MIA2: variants seen among roughly 807,000 people sequenced by gnomAD.
MIA2 encodes MIA SH3 domain ER export factor 2, also known as melanoma inhibitory activity protein 2.
Under a neutral mutation model 167.8 loss-of-function variants are expected in MIA2, and 127 were observed. The ratio of observed to expected loss-of-function variants is 0.76; its 90% CI spans 0.66 to 0.88. MIA2 has a LOEUF of 0.88. Ranked by LOEUF, MIA2 falls within the 40% of genes least tolerant of loss-of-function variation. MIA2 has a pLI of 0.00. For synonymous variants in MIA2, 552 were observed against 541.9 expected (o/e 1.02, Z -0.26); for missense variants, 1,690 against 1,624.7 (o/e 1.04, Z -0.69).
rs1027129198 is a variant in MIA2, at chr14:39,278,149, T to A, written c.2019+1084T>A. Among the ~76,000 whole-genome samples the A allele has an allele frequency of 2.6e-5, 4 of 151,834 alleles. 1 individual carries two copies. Among genetic ancestry groups the A allele is most frequent in the Admixed American group, 6.6e-5 (1 of 15,238 alleles). ...CTACCATGCCTGGCTAATTTTTGTA[T>A]TTTTTTGTAGAGACGGGTTTCACTG... On this transcript the variant is annotated intron_variant, in intron 7 of 28. Transcript: ENST00000640607.
intron 21 of MIA2, among the ~76,000 whole-genome samples, chr14:39,316,727 G>A (rs149034426): frequency 4.9e-4 from 74 of 152,198 alleles, no homozygotes; most frequent in African/African-American, 1.7e-3. Context: ...AATTAAGCTG[G>A]GCTTGGAGAT....
intron 9 of MIA2, among the ~76,000 whole-genome samples, chr14:39,283,938 A>T (rs2059289802): frequency 6.6e-6 from 1 of 152,044 alleles, no homozygotes; most frequent in South Asian, 2.1e-4. Context: ...CTCAATCTGT[A>T]GGTTGCCTTT....
intron 23 of MIA2, among the ~76,000 whole-genome samples, chr14:39,362,496 C>T (rs902363735): frequency 7.9e-5 from 12 of 151,984 alleles, no homozygotes; most frequent in East Asian, 1.9e-4. Flanking sequence ...TAGCCTCTGA[C>T]GATCTTTTAT....
intron 9 of MIA2, among the ~76,000 whole-genome samples, chr14:39,284,894 G>T (rs1399933355): frequency 6.6e-6 from 1 of 152,056 alleles, no homozygotes; most frequent in Non-Finnish European, 1.5e-5. Flanking sequence ...AGAGGACCCT[G>T]CGGTCTTCCG....
chr14:39,307,495 A>G (rs980178176), intron 17 of MIA2, among the ~76,000 whole-genome samples: 1 of 133,538 alleles, frequency 7.5e-6, no homozygotes, highest in Admixed American at 9.3e-5. Flanking sequence ...TCTGCCTCCT[A>G]GGTTCAAGCA....
intron 10 of MIA2, 59 bp from the exon 11 acceptor site, chr14:39,293,212 C>G (rs1285012585): frequency 1.8e-6 from 2 of 1,137,550 alleles, no homozygotes; most frequent in African/African-American, 3.1e-5. Context: ...TTATGCTCGT[C>G]TGATTTCCCT....
intron 25 of MIA2, among the ~76,000 whole-genome samples, chr14:39,329,907 C>G (rs534482975): frequency 5.9e-5 from 9 of 152,158 alleles, no homozygotes; most frequent in Non-Finnish European, 1.3e-4. Context: ...CAATGTTCAT[C>G]AGAGATATTG....
At chr14:39,288,588 C>T (rs1156705982) in intron 9 of MIA2, among the ~76,000 whole-genome samples, 1 of 149,742 alleles carries the variant, frequency 6.7e-6, no homozygotes, top group African/African-American at 2.5e-5. Context: ...GATTCTCCTG[C>T]CTCAGCCACC....
intron 6 of MIA2, among the ~76,000 whole-genome samples, chr14:39,270,171 A>G (rs1311988567): frequency 6.7e-6 from 1 of 149,180 alleles, no homozygotes; most frequent in East Asian, 2.0e-4. Context: ...TTGTGGGTGT[A>G]CAGGTGAGTG....
chr14:39,238,970 CATT>C, intron 2 of MIA2, among the ~76,000 whole-genome samples: 1 of 151,970 alleles, frequency 6.6e-6, no homozygotes, highest in Middle Eastern at 3.4e-3. Context: ...TTGATTGTAT[CATT>C]ATGGTTTATA....
chr14:39,294,201 T>C, intron 12 of MIA2, 130 bp downstream of exon 12: 1 of 615,668 alleles, frequency 1.6e-6, no homozygotes, highest in Non-Finnish European at 2.7e-6. Flanking sequence ...TTTTTTTTTT[T>C]TTAACAATAC....
At chr14:39,334,006 AT>A (rs1337462928) in intron 25 of MIA2, among the ~76,000 whole-genome samples, 1 of 152,180 alleles carries the variant, frequency 6.6e-6, no homozygotes, top group African/African-American at 2.4e-5. Context: ...CAGTAAAGGA[AT>A]TTTCAGTATT....
In MIA2 at chr14:39,386,860, T is replaced by C. The variant is rs1050093384; in HGVS notation, c.2249-25T>C. ...ACTCGTCTCTCTTCTACTTTAACTC[T>C]GAGGCGGTCGTTCTCTCTCACCAGG... On this transcript the variant is annotated intron_variant, in intron 23 of 23. Transcript: ENST00000341502. 8.1e-6 allele frequency: 7 copies of C among 860,986 alleles called. No individual in the cohort carries two copies. The African/African-American group carries it at 1.2e-4, about 14-fold the overall frequency. 53.3% of individuals were successfully genotyped at this position (860,986 alleles called of 1,614,324 possible). A position where few individuals can be genotyped will look rare whatever the true frequency, so the allele number is the denominator to read the frequency against.
At chr14:39,354,080 A>G (rs887295260), downstream of MIA2, among the ~76,000 whole-genome samples, 9 of 152,234 alleles carry the variant, frequency 5.9e-5, no homozygotes, top group African/African-American at 2.2e-4. Context: ...GTATATACCC[A>G]GTAATGGGAT....
intron 23 of MIA2, among the ~76,000 whole-genome samples, chr14:39,380,691 C>CAAAAAAA (rs145179098): frequency 1.1e-4 from 9 of 85,046 alleles, no homozygotes; most frequent in East Asian, 6.6e-4. Flanking sequence ...GACTCAGACT[C>CAAAAAAA]AAAAAAAAAA....
chr14:39,294,803 C>CCATGCTGCG, intron 12 of MIA2, 122 bp from the exon 13 acceptor site: 1 of 696,224 alleles, frequency 1.4e-6, no homozygotes, highest in African/African-American at 1.8e-5. Context: ...ACCATGCTGC[C>CCATGCTGCG]TCTGCTGTTA....
At chr14:39,257,737 A>G (rs2054887112) in intron 6 of MIA2, among the ~76,000 whole-genome samples, 1 of 151,840 alleles carries the variant, frequency 6.6e-6, no homozygotes, top group African/African-American at 2.4e-5. Context: ...TTTCCTTTCC[A>G]TATTTAGTGC....
At chr14:39,327,074 G>A (rs751157985) in intron 25 of MIA2, 52 bp downstream of exon 25, 3 of 1,324,632 alleles carry the variant, frequency 2.3e-6, no homozygotes, top group Non-Finnish European at 3.0e-6. Context: ...CTGGGATGTG[G>A]AATACACAGG....
intron 23 of MIA2, among the ~76,000 whole-genome samples, chr14:39,369,911 C>A (rs1355510467): frequency 6.6e-6 from 1 of 152,260 alleles, no homozygotes; most frequent in Non-Finnish European, 1.5e-5. Flanking sequence ...CTTTGTTCAT[C>A]ATTTTGCTTA....
Sources: allele counts gnomAD v4.1 joint callset (sites outside exome capture counted in the v4.1 genomes callset), GRCh38; gene constraint gnomAD v4.1.1; transcripts MANE v1.5; gene names NCBI Gene and HGNC (gene_info 2026-07-23, HGNC 2026-07-21).